RBFOX1: variants seen among roughly 807,000 people sequenced by gnomAD.
RBFOX1 encodes RNA binding fox-1 homolog 1.
Under a neutral mutation model 57.7 loss-of-function variants are expected in RBFOX1, and 8 were observed. That is an observed-to-expected ratio of 0.14 (90% CI 0.08 to 0.25). The LOEUF (loss-of-function observed/expected upper bound fraction) is 0.25, where lower values mean the gene tolerates loss of function less well. Ranked by LOEUF, RBFOX1 falls within the 10% of genes least tolerant of loss-of-function variation. The pLI, the probability that RBFOX1 is intolerant of heterozygous loss-of-function variation, is 1.00. For missense variants in RBFOX1, 611 were observed against 548.5 expected (o/e 1.11, Z -1.14); for synonymous variants, 326 against 222.4 (o/e 1.47, Z -4.15).
chr16:5,855,874 T>G (rs1255975520), intron 3 of RBFOX1, among the ~76,000 whole-genome samples: 1 of 151,722 alleles, frequency 6.6e-6, no homozygotes, highest in Non-Finnish European at 1.5e-5. Flanking sequence ...TTTGCATTTA[T>G]CTGTCTTAAG....
chr16:6,331,599 T>C (rs527947526), intron 2 of RBFOX1, among the ~76,000 whole-genome samples: 31 of 86,752 alleles, frequency 3.6e-4, no homozygotes, highest in African/African-American at 1.4e-3. Flanking sequence ...TGTGTGTGTA[T>C]ATATATGTGT....
At chr16:6,466,939 A>T (rs2095062654) in intron 2 of RBFOX1, among the ~76,000 whole-genome samples, 1 of 151,990 alleles carries the variant, frequency 6.6e-6, no homozygotes, top group Non-Finnish European at 1.5e-5. Context: ...CAGCAGATTT[A>T]ATCCTTTCTA....
At chr16:5,865,870 T>G (rs900554690) in intron 3 of RBFOX1, among the ~76,000 whole-genome samples, 3 of 152,072 alleles carry the variant, frequency 2.0e-5, no homozygotes, top group African/African-American at 4.8e-5. Context: ...CTTCTTGCTG[T>G]GTCTGCATGT....
chr16:5,751,681 G>T (rs955808297), intron 3 of RBFOX1, among the ~76,000 whole-genome samples: 14 of 152,168 alleles, frequency 9.2e-5, no homozygotes, highest in Non-Finnish European at 1.8e-4. Context: ...AGTGGTCCAG[G>T]AGAATGGAAA....
intron 2 of RBFOX1, among the ~76,000 whole-genome samples, chr16:6,423,027 T>C (rs773431883): frequency 6.6e-6 from 1 of 152,224 alleles, no homozygotes; most frequent in Non-Finnish European, 1.5e-5. Context: ...CCATGCTGTA[T>C]ATGTACTACA....
At chr16:6,789,977 G>A (rs2082631485) in intron 3 of RBFOX1, among the ~76,000 whole-genome samples, 2 of 150,964 alleles carry the variant, frequency 1.3e-5, no homozygotes, top group Non-Finnish European at 3.0e-5. Flanking sequence ...TAACTTACTG[G>A]TTTCTTACGT....
chr16:6,961,154 C>A (rs1420328412), intron 3 of RBFOX1, among the ~76,000 whole-genome samples: 2 of 151,118 alleles, frequency 1.3e-5, no homozygotes, highest in Admixed American at 6.6e-5. Flanking sequence ...CCCACACAGA[C>A]ACACACACGC....
At position 5,727,683 on chromosome 16, in the gene RBFOX1, G is replaced by GTTGT. The variant is rs556037346; in HGVS notation, c.318+128741_318+128744dup. Among the ~76,000 whole-genome samples the GTTGT allele has an allele frequency of 3.8e-4, 58 of 152,006 alleles. No individual in the cohort carries two copies. The South Asian group carries it at 8.8e-3, about 23-fold the overall frequency. On this transcript the variant is annotated intron_variant, in intron 3 of 19. Coordinates refer to the RBFOX1 transcript ENST00000641259. ...ACAGTTCTACTCTGTTTTTGTTGTT[G>GTTGT]TTGTTTGTTTGTTTGTTTGTTTAGA...
chr16:6,832,908 G>A (rs954213901), intron 3 of RBFOX1, among the ~76,000 whole-genome samples: 1 of 152,172 alleles, frequency 6.6e-6, no homozygotes, highest in East Asian at 1.9e-4. Flanking sequence ...TAGTGTATCT[G>A]CATTTCTGCA....
At chr16:7,494,398 G>A (rs2067914176) in intron 4 of RBFOX1, among the ~76,000 whole-genome samples, 1 of 152,154 alleles carries the variant, frequency 6.6e-6, no homozygotes, top group Admixed American at 6.5e-5. Context: ...TGGGTGTGAT[G>A]TGTCACACTC....
At chr16:7,618,402 A>G (rs577453887) in intron 10 of RBFOX1, among the ~76,000 whole-genome samples, 56 of 152,246 alleles carry the variant, frequency 3.7e-4, no homozygotes, top group South Asian at 1.0e-3. Context: ...CTGTTCAGCA[A>G]CCCTGCAGAT....
intron 1 of RBFOX1, among the ~76,000 whole-genome samples, chr16:6,020,727 C>G (rs1056110303): frequency 6.6e-6 from 1 of 152,134 alleles, no homozygotes; most frequent in Non-Finnish European, 1.5e-5. Flanking sequence ...TCCAATCAAC[C>G]AATTGTCCAG....
chr16:6,106,542 G>C (rs536303632), intron 1 of RBFOX1, among the ~76,000 whole-genome samples: 5 of 151,556 alleles, frequency 3.3e-5, no homozygotes, highest in Admixed American at 3.3e-4. Context: ...ATAAAAATGG[G>C]TTGACCTTCA....
At chr16:6,810,965 T>G (rs2088389494) in intron 3 of RBFOX1, among the ~76,000 whole-genome samples, 1 of 152,190 alleles carries the variant, frequency 6.6e-6, no homozygotes, top group African/African-American at 2.4e-5. Context: ...TAACAGATAT[T>G]TCACTAAATG....
intron 7 of RBFOX1, among the ~76,000 whole-genome samples, chr16:7,594,845 G>T (rs1407901271): frequency 6.6e-6 from 1 of 152,166 alleles, no homozygotes; most frequent in Non-Finnish European, 1.5e-5. Context: ...TTTGAAGAGT[G>T]GGGAAAGTAT....
In RBFOX1 at chr16:5,294,301, C is replaced by G. The variant is rs564131699; in HGVS notation, c.219+54196C>G. On this transcript the variant is annotated intron_variant, in intron 1 of 2. Coordinates refer to the RBFOX1 transcript ENST00000585867. ...GCCCATGTTTCATCCCCAAGAGATT[C>G]TGTAGTAATTGATCTGGGTTGCAGA... is the stretch of plus-strand genomic sequence containing the variant. Among the ~76,000 whole-genome samples the G allele has an allele frequency of 2.6e-5, 4 of 152,282 alleles. No individual in the cohort carries two copies. In the East Asian group the frequency reaches 5.8e-4, roughly 22 times the overall value.
chr16:6,548,814 G>A (rs375383113), intron 2 of RBFOX1, among the ~76,000 whole-genome samples: 2 of 152,024 alleles, frequency 1.3e-5, no homozygotes, highest in African/African-American at 2.4e-5. Context: ...AGTGGCTTGC[G>A]CCTGTAATCC....
chr16:7,432,476 A>G (rs2098689860), intron 4 of RBFOX1, among the ~76,000 whole-genome samples: 1 of 152,156 alleles, frequency 6.6e-6, no homozygotes, highest in Admixed American at 6.5e-5. Flanking sequence ...GTTGCATTGC[A>G]CCTTAAAGAC....
In RBFOX1 at chr16:5,947,106, C is replaced by G. The variant is rs907963552; in HGVS notation, c.351+79771C>G. On this transcript the variant is annotated intron_variant, in intron 4 of 19. Transcript: ENST00000641259. The surrounding 1 kb of genome is among the most constrained non-coding windows in gnomAD (Gnocchi z 7.2). ...GTTGTGCATACTGTAGTCCCAGATA[C>G]TCAGGAGGCTGAGGTAGGAGGATCA... 6.6e-6 allele frequency among the ~76,000 whole-genome samples: 1 copy of G among 152,102 alleles called. No individual in the cohort carries two copies. The highest frequency in any genetic ancestry group is 2.4e-5 in the African/African-American group (1 of 41,410).
Sources: allele counts gnomAD v4.1 joint callset (sites outside exome capture counted in the v4.1 genomes callset), GRCh38; gene constraint gnomAD v4.1.1; non-coding constraint Gnocchi (gnomAD v3.1); transcripts MANE v1.5; gene names NCBI Gene and HGNC (gene_info 2026-07-23, HGNC 2026-07-21).